Variants in PRAMEF20 observed in about 807,000 individuals in gnomAD.
PRAMEF20 encodes PRAME family member 20/21.
Under a neutral mutation model 32.4 loss-of-function variants are expected in PRAMEF20, and 27 were observed. The observed-to-expected ratio is 0.83, with a 90% CI of 0.61 to 1.15. The LOEUF is 1.15. PRAMEF20 is among the 50% of genes most tolerant of loss of function. The probability of loss-of-function intolerance (pLI) is 0.00; values close to 1 mark genes in which losing one functional copy is unlikely to be tolerated. For missense variants in PRAMEF20, 604 were observed against 584.5 expected, an observed-to-expected ratio of 1.03 and a Z score of -0.34; for synonymous variants, 256 against 235.4, an observed-to-expected ratio of 1.09 and a Z score of -0.80.
chr1:13,410,902 G>T, the PRAMEF20 span, among the ~76,000 whole-genome samples: 176 of 152,060 alleles, frequency 1.2e-3, 1 homozygote, highest in African/African-American at 3.9e-3. Flanking sequence ...CTGTTGGCCA[G>T]GCTGCAGTGC....
exon 2 of PRAMEF20, chr1:13,418,331 G>T (rs1641205357): frequency 1.2e-6 from 2 of 1,613,718 alleles, no homozygotes; most frequent in African/African-American, 2.7e-5. Context: ...TACTTCACCT[G>T]CCTCTTTCTA....
At chr1:13,418,486 C>T in exon 2 of PRAMEF20, 2 of 1,613,936 alleles carry the variant, frequency 1.2e-6, no homozygotes, top group East Asian at 2.2e-5. Context: ...CAATTGGACA[C>T]TGCCCGTCCT....
intron 1 of PRAMEF20, among the ~76,000 whole-genome samples, 176 bp from the exon 3 acceptor site, chr1:13,417,946 G>GTGTT (rs1462740757): frequency 6.7e-6 from 1 of 148,670 alleles, no homozygotes; most frequent in African/African-American, 2.5e-5. Context: ...GTGTGTGTGT[G>GTGTT]TGTGTGTTTA....
At chr1:13,417,621 C>G (rs1170353716) in intron 1 of PRAMEF20, among the ~76,000 whole-genome samples, 1 of 150,446 alleles carries the variant, frequency 6.6e-6, no homozygotes, top group Non-Finnish European at 1.5e-5. Context: ...AAAAGTGGAA[C>G]TGGGCAGGAT....
chr1:13,418,087 C>T, intron 1 of PRAMEF20, 35 bp from the exon 3 acceptor site: 1 of 1,611,782 alleles, frequency 6.2e-7, no homozygotes, highest in Non-Finnish European at 8.5e-7. Flanking sequence ...GAAGTGAGTC[C>T]TTAAATTCTC....
chr1:13,410,777 C>T, the PRAMEF20 span, among the ~76,000 whole-genome samples: 386 of 151,998 alleles, frequency 2.5e-3, 1 homozygote, highest in African/African-American at 8.8e-3. Context: ...CCAACACTCT[C>T]GGAGGTCAAT....
At chr1:13,418,615 A>T in exon 2 of PRAMEF20, 1 of 1,613,846 alleles carries the variant, frequency 6.2e-7, no homozygotes, top group Non-Finnish European at 8.5e-7. Flanking sequence ...CCAGTTCACC[A>T]CTCAGTTCCT....
chr1:13,418,255 A>G, exon 2 of PRAMEF20: 5 of 1,613,878 alleles, frequency 3.1e-6, no homozygotes, highest in Non-Finnish European at 4.2e-6. Flanking sequence ...CTGTCCAAGG[A>G]TGAGAGGACA....
chr1:13,417,013 G>A (rs1030851622), intron 1 of PRAMEF20, among the ~76,000 whole-genome samples: 58 of 152,290 alleles, frequency 3.8e-4, no homozygotes, highest in South Asian at 1.5e-3. Flanking sequence ...GGTTCCTGCC[G>A]GTGGGTTCAT....
At chr1:13,414,799 A>G (rs982294816), upstream of PRAMEF20, among the ~76,000 whole-genome samples, 5 of 151,310 alleles carry the variant, frequency 3.3e-5, no homozygotes, top group African/African-American at 9.7e-5. Context: ...TCTATGTAAT[A>G]TATATATATA....
chr1:13,418,443 C>G, exon 2 of PRAMEF20: 1 of 1,613,908 alleles, frequency 6.2e-7, no homozygotes, highest in Non-Finnish European at 8.5e-7. Context: ...AAACAGTCAA[C>G]CTAGACTGTA....
At chr1:13,416,254 T>C, upstream of PRAMEF20, 1 of 1,599,696 alleles carries the variant, frequency 6.3e-7, no homozygotes. Flanking sequence ...GCCAGAGCAA[T>C]GACTTTGGCC....
intron 2 of PRAMEF20, 64 bp downstream of exon 3, chr1:13,418,764 T>G (rs1641212093): frequency 6.2e-7 from 1 of 1,608,280 alleles, no homozygotes; most frequent in Non-Finnish European, 8.5e-7. Flanking sequence ...ACAGGGGGCA[T>G]CTACTGTGAG....
chr1:13,419,735 A>C (rs1641221826), intron 2 of PRAMEF20, among the ~76,000 whole-genome samples: 1 of 151,998 alleles, frequency 6.6e-6, no homozygotes, highest in African/African-American at 2.4e-5. Flanking sequence ...AAACAAGATA[A>C]TTTTTAACAA....
chr1:13,416,250 G>C, upstream of PRAMEF20: 1 of 1,598,050 alleles, frequency 6.3e-7, no homozygotes, highest in Non-Finnish European at 8.6e-7. Flanking sequence ...CATTGCCAGA[G>C]CAATGACTTT....
At chr1:13,418,563 T>C in exon 2 of PRAMEF20, 1 of 1,613,840 alleles carries the variant, frequency 6.2e-7, no homozygotes, top group East Asian at 2.2e-5. Context: ...CTGACATAGA[T>C]TCTCGCTACA....
At position 13,417,910 on chromosome 1, in the gene PRAMEF20, TTGTGTGTGTGTGTGTG is replaced by T. The variant is rs71272484; in HGVS notation, c.288-184_288-169del. Among the ~76,000 whole-genome samples the T allele has an allele frequency of 8.4e-4, 105 of 124,296 alleles. 1 individual carries two copies. In the Middle Eastern group the frequency reaches 0.025, roughly 30 times the overall value. The allele number at this position is 124,296 out of a possible 152,430, so 81.5% of individuals were successfully genotyped here. A position where few individuals can be genotyped will look rare whatever the true frequency, so the allele number is the denominator to read the frequency against. On this transcript the variant is annotated intron_variant, in intron 1 of 2. Transcript: ENST00000602960. ...GCGCCCGCCACCACGCCCGGCTAATTTGTGTGTGTGTGTGTGTGTGTGTGTGTGTGTGTGTGTGTGT... is the reference window on the plus strand; with the variant it reads ...GCGCCCGCCACCACGCCCGGCTAATTTGTGTGTGTGTGTGTGTGTGTGTGT...
At chr1:13,415,398 A>G (rs1238871981), upstream of PRAMEF20, among the ~76,000 whole-genome samples, 2 of 152,042 alleles carry the variant, frequency 1.3e-5, no homozygotes, top group Non-Finnish European at 2.9e-5. Context: ...GTTCATTTTT[A>G]ATATGTGTAA....
intron 1 of PRAMEF20, among the ~76,000 whole-genome samples, 195 bp from the exon 3 acceptor site, chr1:13,417,927 T>TGTGTGTGTGTGTGTGTGC: frequency 6.8e-6 from 1 of 147,434 alleles, no homozygotes; most frequent in Non-Finnish European, 1.5e-5. Context: ...TGTGTGTGTG[T>TGTGTGTGTGTGTGTGTGC]GTGTGTGTGT....
Sources: allele counts gnomAD v4.1 joint callset (sites outside exome capture counted in the v4.1 genomes callset), GRCh38; gene constraint gnomAD v4.1.1; transcripts MANE v1.5; gene names NCBI Gene and HGNC (gene_info 2026-07-23, HGNC 2026-07-21).